ZNF385D: variants seen among roughly 807,000 people sequenced by gnomAD.
ZNF385D encodes the protein zinc finger protein 385D.
Under a neutral mutation model 35.8 loss-of-function variants are expected in ZNF385D, and 15 were observed. The ratio of observed to expected loss-of-function variants is 0.42; its 90% CI spans 0.28 to 0.64. ZNF385D has a LOEUF of 0.64. Ranked by LOEUF, ZNF385D falls within the 30% of genes least tolerant of loss-of-function variation. The pLI is 0.23. For missense variants in ZNF385D, 474 were observed against 494.6 expected (o/e 0.96, Z 0.39); for synonymous variants, 212 against 186.8 (o/e 1.13, Z -1.10).
intron 1 of ZNF385D, among the ~76,000 whole-genome samples, chr3:21,711,039 G>GGTTTTTTTT (rs2068081805): frequency 1.2e-5 from 1 of 83,140 alleles, no homozygotes; most frequent in Admixed American, 1.8e-4. Flanking sequence ...CCCTCTAAAA[G>GGTTTTTTTT]TTTTTTTTTT....
At chr3:22,349,138 A>G (rs976052211) in intron 2 of ZNF385D, among the ~76,000 whole-genome samples, 1 of 152,184 alleles carries the variant, frequency 6.6e-6, no homozygotes, top group African/African-American at 2.4e-5. Context: ...AAAAATCCCA[A>G]TACTTATTAA....
chr3:21,511,349 A>G (rs1235593138), intron 3 of ZNF385D, among the ~76,000 whole-genome samples: 1 of 152,200 alleles, frequency 6.6e-6, no homozygotes, highest in African/African-American at 2.4e-5. Flanking sequence ...TCTGCCACAG[A>G]AGATGCTGGG....
intron 3 of ZNF385D, among the ~76,000 whole-genome samples, chr3:21,808,505 T>C (rs146680861): frequency 2.3e-4 from 35 of 152,304 alleles, no homozygotes; most frequent in Middle Eastern, 3.4e-3. Flanking sequence ...GGCATGGCCA[T>C]TGCAGAGACT....
chr3:21,481,676 C>T (rs1011914232), intron 4 of ZNF385D, among the ~76,000 whole-genome samples: 3 of 152,040 alleles, frequency 2.0e-5, no homozygotes, highest in African/African-American at 4.8e-5. Flanking sequence ...TTACAGGTGA[C>T]AGCCACCACT....
chr3:21,857,952 A>G (rs999976712), intron 3 of ZNF385D, among the ~76,000 whole-genome samples: 1 of 151,958 alleles, frequency 6.6e-6, no homozygotes, highest in Non-Finnish European at 1.5e-5. Flanking sequence ...CTAGAAATGC[A>G]ATCCAGGGCC....
intron 3 of ZNF385D, among the ~76,000 whole-genome samples, chr3:22,029,000 G>A (rs1026752911): frequency 6.6e-6 from 1 of 152,044 alleles, no homozygotes; most frequent in African/African-American, 2.4e-5. Context: ...AGTGGAAGTG[G>A]CACCACTCAC....
rs572367133 is a variant in ZNF385D, at chr3:22,083,938, A to C, written c.325+84879T>G. On this transcript the variant is annotated intron_variant, in intron 3 of 5. Transcript: ENST00000494108. ...GTGGGGGCCAATATTCAACATTCTT[A>C]AAGAAAAGAATTTTCAACCCATAAT... Among the ~76,000 whole-genome samples the C allele has an allele frequency of 4.3e-3, 649 of 152,318 alleles. 5 individuals carry two copies. Among genetic ancestry groups the C allele is most frequent in the Non-Finnish European group, 4.8e-3 (325 of 68,022 alleles).
chr3:22,051,155 G>A lies in ZNF385D; in HGVS notation c.325+117662C>T, dbSNP rs1158181466. The stretch of plus-strand genomic sequence containing the variant: ...TCTAAGTCTCTTTGTAGGTCACTGA[G>A]GACTTGCTTTATGAATCTGGGTGCT... On this transcript the variant is annotated intron_variant, in intron 3 of 5. Coordinates refer to the ZNF385D transcript ENST00000494108. 6.7e-4 allele frequency among the ~76,000 whole-genome samples: 10 copies of A among 14,866 alleles called. 1 individual carries two copies. The highest frequency in any genetic ancestry group is 1.3e-3 in the Non-Finnish European group (10 of 7,892). The allele number at this position is 14,866 out of a possible 152,430, so 9.8% of individuals were successfully genotyped here. A position where few individuals can be genotyped will look rare whatever the true frequency, so the allele number is the denominator to read the frequency against.
In ZNF385D at chr3:21,876,952, C is replaced by A. The variant is rs568039287; in HGVS notation, c.326-211924G>T. Among the ~76,000 whole-genome samples the A allele has an allele frequency of 1.3e-5, 2 of 152,192 alleles. 1 individual carries two copies. Among genetic ancestry groups the A allele is most frequent in the South Asian group, 4.1e-4 (2 of 4,824 alleles). On this transcript the variant is annotated intron_variant, in intron 3 of 5. Transcript: ENST00000494108. ...AAGCAGAGAAGCACTTCTTTCCACACTTTTCCCATTCCAAGGAAGGATTAA... is the reference window on the plus strand; with the variant it reads ...AAGCAGAGAAGCACTTCTTTCCACAATTTTCCCATTCCAAGGAAGGATTAA...
At chr3:21,634,518 T>A (rs2065373689) in intron 2 of ZNF385D, among the ~76,000 whole-genome samples, 1 of 152,072 alleles carries the variant, frequency 6.6e-6, no homozygotes, top group Non-Finnish European at 1.5e-5. Flanking sequence ...ACATCTGTTA[T>A]TTTAAAATAT....
rs114161439 is a variant in ZNF385D at position 21,811,581 on chromosome 3, A to G, written c.326-146553T>C. ...GCTCAGATGTATTTGGAGGTTTCCA[A>G]TGTATGGCGATAACTAACTTCTCTG... On this transcript the variant is annotated intron_variant, in intron 3 of 5. Coordinates refer to the ZNF385D transcript ENST00000494108. Among the ~76,000 whole-genome samples the G allele has an allele frequency of 1.4e-3, 214 of 152,324 alleles. 1 individual carries two copies. The highest frequency in any genetic ancestry group is 4.9e-3 in the African/African-American group (205 of 41,582).
At chr3:22,164,640 A>C (rs1389482801) in intron 3 of ZNF385D, among the ~76,000 whole-genome samples, 1 of 150,182 alleles carries the variant, frequency 6.7e-6, no homozygotes, top group African/African-American at 2.5e-5. Context: ...AACCACTTAT[A>C]GTTTTTCTTC....
At chr3:21,970,611 G>C (rs676611) in intron 3 of ZNF385D, among the ~76,000 whole-genome samples, 5 of 151,424 alleles carry the variant, frequency 3.3e-5, no homozygotes, top group South Asian at 2.1e-4. Context: ...AAAGAGTAGA[G>C]AGAGAGAGAG....
chr3:22,341,385 G>A (rs1417419681), intron 2 of ZNF385D, among the ~76,000 whole-genome samples: 3 of 152,156 alleles, frequency 2.0e-5, no homozygotes, highest in African/African-American at 4.8e-5. Context: ...AAGTTGAGGA[G>A]TTGTGACAGA....
intron 1 of ZNF385D, among the ~76,000 whole-genome samples, chr3:21,670,863 C>T (rs369234589): frequency 6.6e-6 from 1 of 151,634 alleles, no homozygotes; most frequent in Admixed American, 6.6e-5. Flanking sequence ...GATGCTGCTC[C>T]GTTTTAAGTT....
chr3:21,780,627 G>T (rs896508761), intron 3 of ZNF385D, among the ~76,000 whole-genome samples: 2 of 152,024 alleles, frequency 1.3e-5, no homozygotes, highest in Admixed American at 1.3e-4. Context: ...TTCACATATG[G>T]AAGTGCTACT....
At chr3:21,732,048 T>TTG (rs2069034784) in intron 1 of ZNF385D, among the ~76,000 whole-genome samples, 1 of 59,754 alleles carries the variant, frequency 1.7e-5, no homozygotes, top group African/African-American at 4.1e-5. Flanking sequence ...TTTTTTTTTT[T>TTG]TTTTTTTTTT....
At chr3:21,789,642 A>G (rs2071843698) in intron 3 of ZNF385D, among the ~76,000 whole-genome samples, 1 of 152,168 alleles carries the variant, frequency 6.6e-6, no homozygotes, top group African/African-American at 2.4e-5. Flanking sequence ...GGTAGACATC[A>G]CTGATTTACA....
At chr3:21,724,190 C>CA (rs2068656897) in intron 1 of ZNF385D, among the ~76,000 whole-genome samples, 1 of 151,912 alleles carries the variant, frequency 6.6e-6, no homozygotes, top group South Asian at 2.1e-4. Context: ...CCAGCCACTG[C>CA]AAAAACAAAC....
Sources: gnomAD v4.1 joint callset for allele counts (sites outside exome capture counted in the v4.1 genomes callset) on GRCh38, gnomAD v4.1.1 for gene constraint, MANE v1.5 for transcripts, NCBI Gene and HGNC (gene_info 2026-07-23, HGNC 2026-07-21) for gene names.